Variants in PGM5 observed in about 807,000 individuals in gnomAD.
PGM5 encodes the protein phosphoglucomutase 5.
In PGM5, 23 loss-of-function variants were observed where a neutral mutation model predicts 59.2. The observed-to-expected ratio is 0.39, with a 90% confidence interval of 0.28 to 0.55. The LOEUF (loss-of-function observed/expected upper bound fraction) is 0.55. Among genes scored for constraint, PGM5 ranks in the 20% least tolerant of loss-of-function variants. PGM5 has a pLI of 0.66. For missense variants in PGM5, 574 were observed against 748.3 expected, an observed-to-expected ratio of 0.77 and a Z score of 2.72; for synonymous variants, 214 against 286.0, an observed-to-expected ratio of 0.75 and a Z score of 2.54.
At chr9:68,480,656 G>T (rs1824181977) in intron 8 of PGM5, among the ~76,000 whole-genome samples, 1 of 151,350 alleles carries the variant, frequency 6.6e-6, no homozygotes, top group Admixed American at 6.6e-5. Flanking sequence ...TGGAGATCGT[G>T]CCACTGCACT....
chr9:68,376,864 T>TTCTC (rs1563984975), intron 1 of PGM5, among the ~76,000 whole-genome samples: 25 of 115,300 alleles, frequency 2.2e-4, no homozygotes, highest in Non-Finnish European at 3.6e-4. Context: ...TTTCTTTCTT[T>TTCTC]TTTCTTTCTC....
chr9:68,439,136 G>GAGGATTACTT (rs1255303068), intron 6 of PGM5, among the ~76,000 whole-genome samples: 2 of 152,068 alleles, frequency 1.3e-5, no homozygotes, highest in African/African-American at 2.4e-5. Context: ...GCTGATGTGG[G>GAGGATTACTT]AGGATTACTT....
chr9:68,368,638 GT>G (rs533125105), intron 1 of PGM5, among the ~76,000 whole-genome samples: 32 of 147,010 alleles, frequency 2.2e-4, no homozygotes, highest in South Asian at 6.4e-4. Context: ...TAGTTTTTAG[GT>G]TTTTTTTTTC....
intron 7 of PGM5, among the ~76,000 whole-genome samples, chr9:68,473,884 A>AC (rs1196880447): frequency 4.0e-5 from 6 of 151,816 alleles, no homozygotes; most frequent in Non-Finnish European, 5.9e-5. Flanking sequence ...TCCAGTGAGA[A>AC]CCCCCCCATG....
intron 9 of PGM5, chr9:68,497,044 A>T (rs1824493088): frequency 1.3e-5 from 2 of 152,242 alleles, no homozygotes; most frequent in African/African-American, 4.8e-5. Context: ...GTTTGTAAAA[A>T]CAAGGCTGTG....
rs1554675743 is a variant in PGM5 at position 68,357,043 on chromosome 9, G to A, written c.-85G>A. ...CCCGGGCGCGAGGCGGAGTCCCGGC[G>A]CGCAGCCAGGCTGGTGGAGGCCCCC... On this transcript the variant is annotated 5_prime_UTR_variant, in exon 1 of 11. Coordinates refer to ENST00000396396, the MANE Select transcript of PGM5 (RefSeq NM_021965.4). 2.3e-6 allele frequency: 3 copies of A among 1,322,502 alleles called. No homozygotes were observed. In the African/African-American group the frequency reaches 4.7e-5, roughly 21 times the overall value. 81.9% of individuals were successfully genotyped at this position (1,322,502 alleles called of 1,614,324 possible).
rs1290686867 is a variant in PGM5, at chr9:68,530,637, T to C, written c.*981T>C. The C allele has an allele frequency of 4.6e-5, 7 of 152,094 alleles. No homozygotes were observed. Among genetic ancestry groups the C allele is most frequent in the African/African-American group, 1.4e-4 (6 of 41,398 alleles). The allele number at this position is 152,094 out of a possible 1,614,324, so 9.4% of individuals were successfully genotyped here. A position where few individuals can be genotyped will look rare whatever the true frequency, so the allele number is the denominator to read the frequency against. ...AGGAGAGGATGAAATGCTGTAAAAG[T>C]AGGAAATGAAGTGGAAGCTGGAAGA... On this transcript the variant is annotated 3_prime_UTR_variant, in exon 11 of 11. Coordinates refer to ENST00000396396, the MANE Select transcript of PGM5 (RefSeq NM_021965.4).
chr9:68,415,793 A>G (rs146790045), intron 6 of PGM5, among the ~76,000 whole-genome samples: 91 of 86,348 alleles, frequency 1.1e-3, no homozygotes, highest in Middle Eastern at 4.9e-3. Context: ...CTATCTATCT[A>G]TCTATCTATC....
In PGM5 at chr9:68,455,114, G is replaced by A. The variant is rs529070711; in HGVS notation, c.1044-9979G>A. 2.0e-5 allele frequency among the ~76,000 whole-genome samples: 3 copies of A among 152,298 alleles called. No individual in the cohort carries two copies. The South Asian group carries it at 6.2e-4, about 32-fold the overall frequency. On this transcript the variant is annotated intron_variant, in intron 6 of 10. Coordinates refer to ENST00000396396, the MANE Select transcript of PGM5 (RefSeq NM_021965.4). ...GAACCATGCAGAGAGAGCTGCCTGT[G>A]ACCTGATTTGGCTTCATAGGAAACA...
rs782783738 is a variant in PGM5, at chr9:68,391,775, A to G, written c.888+51A>G. 64 of 1,569,526 alleles carry G rather than the reference A, an allele frequency of 4.1e-5. No homozygotes were observed. The Admixed American group carries it at 1.1e-3, about 27-fold the overall frequency. On this transcript the variant is annotated intron_variant, in intron 5 of 10. Coordinates refer to ENST00000396396, the MANE Select transcript of PGM5 (RefSeq NM_021965.4). ...TGACCCTTTGATCATATAATGAGCC[A>G]TGCACTGGAAAGCAGAGAATTAATG...
At chr9:68,369,296 G>A (rs1451125208) in intron 1 of PGM5, among the ~76,000 whole-genome samples, 9 of 152,132 alleles carry the variant, frequency 5.9e-5, no homozygotes, top group Admixed American at 5.2e-4. Flanking sequence ...GCAGTAGGTG[G>A]CAAAGTCAAT....
At chr9:68,489,610 G>A (rs781846126) in intron 9 of PGM5, among the ~76,000 whole-genome samples, 14 of 151,672 alleles carry the variant, frequency 9.2e-5, no homozygotes, top group African/African-American at 3.4e-4. Flanking sequence ...GGCTACAGGC[G>A]TGCACCACCA....
At chr9:68,440,994 C>G (rs142371403) in intron 6 of PGM5, among the ~76,000 whole-genome samples, 1 of 151,966 alleles carries the variant, frequency 6.6e-6, no homozygotes, top group African/African-American at 2.4e-5. Flanking sequence ...ACCCTTTAGA[C>G]TTTAAAATAA....
chr9:68,454,917 G>C (rs1202410900), intron 6 of PGM5, among the ~76,000 whole-genome samples: 1 of 152,170 alleles, frequency 6.6e-6, no homozygotes, highest in Non-Finnish European at 1.5e-5. Flanking sequence ...TTCTTTAAAA[G>C]ACATTAGAGC....
intron 10 of PGM5, among the ~76,000 whole-genome samples, chr9:68,499,812 C>G (rs1473871647): frequency 2.0e-5 from 3 of 152,174 alleles, no homozygotes; most frequent in African/African-American, 7.2e-5. Flanking sequence ...ATTGTCCACT[C>G]TGAGAGGAGA....
At chr9:68,410,784 G>A (rs1175876206) in intron 6 of PGM5, among the ~76,000 whole-genome samples, 3 of 152,124 alleles carry the variant, frequency 2.0e-5, no homozygotes, top group African/African-American at 7.2e-5. Context: ...GAAGCAATGT[G>A]GCTCTCTGTT....
chr9:68,396,952 G>C (rs1822522440), intron 6 of PGM5: 3 of 152,288 alleles, frequency 2.0e-5, no homozygotes, highest in Admixed American at 2.0e-4. Flanking sequence ...CTGTACCCTT[G>C]AGGCTGATGA....
chr9:68,463,240 C>T (rs951906828), intron 6 of PGM5, among the ~76,000 whole-genome samples: 66 of 151,506 alleles, frequency 4.4e-4, no homozygotes, highest in South Asian at 2.7e-3. Context: ...CATTACTATG[C>T]GGCGTATTTT....
intron 6 of PGM5, among the ~76,000 whole-genome samples, chr9:68,459,592 A>G (rs1350728306): frequency 6.6e-6 from 1 of 152,226 alleles, no homozygotes; most frequent in Non-Finnish European, 1.5e-5. Context: ...CACATTAAAT[A>G]AATACACCAC....
Sources: gnomAD v4.1 joint callset for allele counts (sites outside exome capture counted in the v4.1 genomes callset) on GRCh38, gnomAD v4.1.1 for gene constraint, MANE v1.5 for transcripts, NCBI Gene and HGNC (gene_info 2026-07-23, HGNC 2026-07-21) for gene names.